Variants in FAIM2 observed in about 807,000 individuals in gnomAD.
FAIM2 encodes Fas apoptotic inhibitory molecule 2.
FAIM2 carries 27 observed loss-of-function variants against 47.4 expected under a neutral mutation model. The ratio of observed to expected loss-of-function variants is 0.57; its 90% CI spans 0.42 to 0.78. FAIM2 has a LOEUF of 0.78. FAIM2 is among the 30% of genes least tolerant of loss of function. FAIM2 has a pLI of 0.00. For missense variants in FAIM2, 311 were observed against 389.4 expected (o/e 0.80, Z 1.69); for synonymous variants, 156 against 159.3 (o/e 0.98, Z 0.16).
intron 5 of FAIM2, among the ~76,000 whole-genome samples, chr12:49,894,051 AG>A (rs1216472157): frequency 6.6e-6 from 1 of 152,208 alleles, no homozygotes; most frequent in Non-Finnish European, 1.5e-5. Context: ...ATTGTGGTAC[AG>A]CTTGGGAGGC....
At chr12:49,897,859 G>T in intron 3 of FAIM2, 128 bp downstream of exon 3, 2 of 723,080 alleles carry the variant, frequency 2.8e-6, no homozygotes, top group Non-Finnish European at 4.9e-6. Flanking sequence ...CCTAGTGGGT[G>T]CTGTCAGCTG....
At chr12:49,885,821 C>T (rs1946857126) in intron 11 of FAIM2, among the ~76,000 whole-genome samples, 1 of 152,204 alleles carries the variant, frequency 6.6e-6, no homozygotes, top group African/African-American at 2.4e-5. Context: ...TGCTACTCTG[C>T]ACCACGCACT....
Position 49,870,054 on chromosome 12 carries a change from C to G in FAIM2, c.*450G>C, listed in dbSNP as rs1384149390. On this transcript the variant is annotated 3_prime_UTR_variant, in exon 12 of 12. Transcript: ENST00000320634. The stretch of plus-strand genomic sequence containing the variant: ...TTCTTACAAAGTGTCAATGCCTGAC[C>G]TGGATGAGAAAGACAGGAGGACACA... 1.3e-5 allele frequency: 2 copies of G among 155,038 alleles called. No homozygotes were observed. The highest frequency in any genetic ancestry group is 2.0e-4 in the South Asian group (1 of 4,984). 9.6% of individuals were successfully genotyped at this position (155,038 alleles called of 1,614,324 possible). A position where few individuals can be genotyped will look rare whatever the true frequency, so the allele number is the denominator to read the frequency against.
At chr12:49,900,998 A>C (rs779389690) in intron 2 of FAIM2, 132 bp downstream of exon 2, 1 of 644,040 alleles carries the variant, frequency 1.6e-6, no homozygotes, top group Non-Finnish European at 2.5e-6. Context: ...CCAAATCCTA[A>C]GCATCTAACA....
At chr12:49,896,314 A>G (rs1946937033) in intron 5 of FAIM2, among the ~76,000 whole-genome samples, 1 of 152,188 alleles carries the variant, frequency 6.6e-6, no homozygotes, top group African/African-American at 2.4e-5. Flanking sequence ...AGAATCACCT[A>G]CACATTCAAA....
intron 1 of FAIM2, chr12:49,902,021 A>C (rs1311997547): frequency 6.6e-6 from 1 of 152,322 alleles, no homozygotes; most frequent in Admixed American, 6.5e-5. Flanking sequence ...CCTCTCCCCT[A>C]AACCAGAACA....
At position 49,870,498 on chromosome 12, in the gene FAIM2, G is replaced by GGCTC. The variant is rs763091004; in HGVS notation, c.*2_*5dup. 5 of 1,613,054 alleles carry GGCTC rather than the reference G, an allele frequency of 3.1e-6. No individual in the cohort carries two copies. In the African/African-American group the frequency reaches 5.3e-5, roughly 17 times the overall value. ...CTCTGGAGGACGGTGGGGCAGGGAG[G>GGCTC]GCTCCTCATTCTCGGTTAGTGCCAA... On this transcript the variant is annotated 3_prime_UTR_variant, in exon 12 of 12. Coordinates refer to ENST00000320634, the MANE Select transcript of FAIM2 (RefSeq NM_012306.4).
At chr12:49,894,905 T>C (rs1380865981) in intron 5 of FAIM2, among the ~76,000 whole-genome samples, 1 of 152,192 alleles carries the variant, frequency 6.6e-6, no homozygotes, top group African/African-American at 2.4e-5. Context: ...AAAAGAGCTG[T>C]CTGCTTCTCA....
In FAIM2 at chr12:49,901,273, C is replaced by T; in HGVS notation, c.68G>A (p.Gly23Asp). ...PGTEGQQQVH[G>D]EKKEAPAVPS... The stretch of plus-strand genomic sequence containing the variant: ...CACTGCTGGAGCCTCCTTCTTCTCG[C>T]CATGCACCTGCTGCTGCCCCTCGGT... The change falls in exon 2 of 12, where the codon GGC (glycine) becomes GAC (aspartate). Residue 23 changes from glycine to aspartate, a missense_variant. Gly to Asp is a moderately conservative substitution (Grantham distance 94). Transcript: ENST00000320634. 2 of 1,608,688 alleles carry T rather than the reference C, an allele frequency of 1.2e-6. No homozygotes were observed. The highest frequency in any genetic ancestry group is 1.7e-6 in the Non-Finnish European group (2 of 1,177,890).
At chr12:49,899,963 GGA>G (rs1372240808) in intron 2 of FAIM2, among the ~76,000 whole-genome samples, 4 of 152,222 alleles carry the variant, frequency 2.6e-5, no homozygotes, top group African/African-American at 9.6e-5. Context: ...TGAGGAAGGG[GGA>G]GAGAGGTAGA....
rs1221092204 is a variant in FAIM2 at position 49,867,563 on chromosome 12, T to G, written c.*2941A>C. ...TGCCTCCCGGGCCCCCATCTGCAGC[T>G]TCCAGAAGAGGACTTCAGTGGGAGA... On this transcript the variant is annotated 3_prime_UTR_variant, in exon 12 of 12. Transcript: ENST00000320634. 3.3e-5 allele frequency: 5 copies of G among 152,214 alleles called. No individual in the cohort carries two copies. The highest frequency in any genetic ancestry group is 4.4e-5 in the Non-Finnish European group (3 of 68,082). 9.4% of individuals were successfully genotyped at this position (152,214 alleles called of 1,614,324 possible).
chr12:49,887,434 G>C lies in FAIM2; in HGVS notation c.753C>G (p.Pro251=), dbSNP rs1946869782. 3 of 1,611,064 alleles carry C rather than the reference G, an allele frequency of 1.9e-6. No homozygotes were observed. Among genetic ancestry groups the C allele is most frequent in the Non-Finnish European group, 1.7e-6 (2 of 1,178,596 alleles). The change falls in exon 11 of 12, where the codon CCC becomes CCG. Residue 251 remains proline, a synonymous_variant. Transcript: ENST00000320634. The part of the protein sequence containing the change: ...LAILLPFQYV[P]WLHAVYAALG... ...GTGCTGCATAAACTGCATGGAGCCA[G>C]GGCACCTGCGGCAGAGGAAAAATGG...
chr12:49,871,917 C>T (rs557783480), intron 11 of FAIM2, among the ~76,000 whole-genome samples: 8 of 152,274 alleles, frequency 5.3e-5, no homozygotes, highest in African/African-American at 1.4e-4. Context: ...CTGCCCGCCT[C>T]GGCCTCTCAA....
At chr12:49,893,608 A>C (rs2137102008) in intron 5 of FAIM2, among the ~76,000 whole-genome samples, 1 of 152,320 alleles carries the variant, frequency 6.6e-6, no homozygotes, top group Non-Finnish European at 1.5e-5. Flanking sequence ...AAAACGAAAC[A>C]AGAGATGCAG....
At chr12:49,880,281 CAT>C (rs201043974) in intron 11 of FAIM2, among the ~76,000 whole-genome samples, 271 of 137,836 alleles carry the variant, frequency 2.0e-3, no homozygotes, top group African/African-American at 6.1e-3. Context: ...TATATGTATG[CAT>C]ATGAGTGTAT....
At chr12:49,895,058 A>AGTGG (rs1946926709) in intron 5 of FAIM2, among the ~76,000 whole-genome samples, 1 of 120,102 alleles carries the variant, frequency 8.3e-6, no homozygotes, top group Non-Finnish European at 2.0e-5. Context: ...AGGGGTGTGG[A>AGTGG]GCGGGCAGGG....
In FAIM2 at chr12:49,878,665, CATGTGTGT is replaced by C. The variant is rs1946766651; in HGVS notation, c.802-8020_802-8013del. Among the ~76,000 whole-genome samples the C allele has an allele frequency of 1.7e-5, 2 of 119,526 alleles. 1 individual carries two copies. The highest frequency in any genetic ancestry group is 5.8e-4 in the East Asian group (2 of 3,474). The allele number at this position is 119,526 out of a possible 152,430, so 78.4% of individuals were successfully genotyped here. A position where few individuals can be genotyped will look rare whatever the true frequency, so the allele number is the denominator to read the frequency against. ...TTGTATATATGTGCGCTTGTATGTGCATGTGTGTATGTGTGTATATGTGAGTGTATGTG... is the reference window on the plus strand; with the variant it reads ...TTGTATATATGTGCGCTTGTATGTGCATGTGTGTATATGTGAGTGTATGTG... On this transcript the variant is annotated intron_variant, in intron 11 of 11. Coordinates refer to ENST00000320634, the MANE Select transcript of FAIM2 (RefSeq NM_012306.4).
chr12:49,897,994 A>G lies in FAIM2; in HGVS notation c.308T>C (p.Val103Ala). 1 of 1,613,312 alleles carries G rather than the reference A, an allele frequency of 6.2e-7. No homozygotes were observed. Among genetic ancestry groups the G allele is most frequent in the Non-Finnish European group, 8.5e-7 (1 of 1,179,326 alleles). The stretch of plus-strand genomic sequence containing the variant: ...GCTACAGAGGGGCATTACCTTTCTG[A>G]CAAAGACTCGACGAACTTTCTGGTC... ...WDDQKVRRVF[V>A]RKVYTILLIQ... The change falls in exon 3 of 12, where the codon GTC becomes GCC. Residue 103 changes from valine to alanine, a missense_variant. Val to Ala is a moderately conservative substitution (Grantham distance 64). Coordinates refer to ENST00000320634, the MANE Select transcript of FAIM2 (RefSeq NM_012306.4).
At chr12:49,884,854 G>A (rs1161072887) in intron 11 of FAIM2, among the ~76,000 whole-genome samples, 3 of 152,232 alleles carry the variant, frequency 2.0e-5, no homozygotes, top group Non-Finnish European at 4.4e-5. Context: ...GGCACCTGTA[G>A]TCCCAGCTCC....
Sources: gnomAD v4.1 joint callset for allele counts (sites outside exome capture counted in the v4.1 genomes callset) on GRCh38, gnomAD v4.1.1 for gene constraint, MANE v1.5 for transcripts, NCBI Gene and HGNC (gene_info 2026-07-23, HGNC 2026-07-21) for gene names.